CSRNP3: variants seen among roughly 807,000 people sequenced by gnomAD.
The protein encoded by CSRNP3 is cysteine and serine rich nuclear protein 3.
In CSRNP3, 12 loss-of-function variants were observed where a neutral mutation model predicts 48.0. The ratio of observed to expected loss-of-function variants is 0.25; its 90% CI spans 0.16 to 0.41. The LOEUF (loss-of-function observed/expected upper bound fraction) is 0.41, where lower values mean the gene tolerates loss of function less well. Among genes scored for constraint, CSRNP3 ranks in the 10% least tolerant of loss-of-function variants. The pLI is 1.00. For synonymous variants in CSRNP3, 263 were observed against 269.7 expected (o/e 0.98, Z 0.24); for missense variants, 580 against 724.4 (o/e 0.80, Z 2.29).
chr2:165,553,368 T>C (rs1483555532), intron 3 of CSRNP3, among the ~76,000 whole-genome samples: 1 of 152,188 alleles, frequency 6.6e-6, no homozygotes, highest in African/African-American at 2.4e-5. Context: ...CCTTTGCCCA[T>C]CTCTCTTGCT....
chr2:165,559,374 T>G (rs185373617), intron 3 of CSRNP3, among the ~76,000 whole-genome samples: 4 of 152,186 alleles, frequency 2.6e-5, no homozygotes, highest in African/African-American at 9.6e-5. Context: ...ATACTCCTCA[T>G]AGATAAAGGC....
chr2:165,517,431 T>G (rs1279776679), intron 2 of CSRNP3, among the ~76,000 whole-genome samples: 1 of 151,920 alleles, frequency 6.6e-6, no homozygotes. Flanking sequence ...AATCAAGAAC[T>G]CTAACAAATA....
chr2:165,511,542 T>G (rs973299033), intron 2 of CSRNP3, among the ~76,000 whole-genome samples: 4 of 152,118 alleles, frequency 2.6e-5, no homozygotes, highest in African/African-American at 7.2e-5. Context: ...ATAACATGAT[T>G]GAAGACAGAC....
intron 3 of CSRNP3, among the ~76,000 whole-genome samples, chr2:165,559,308 G>C (rs944406951): frequency 6.6e-6 from 1 of 152,164 alleles, no homozygotes; most frequent in Non-Finnish European, 1.5e-5. Flanking sequence ...TCTCTCAACT[G>C]TTGATCTCTA....
At chr2:165,533,899 G>T (rs1420624533) in intron 3 of CSRNP3, among the ~76,000 whole-genome samples, 25 of 151,788 alleles carry the variant, frequency 1.6e-4, no homozygotes, top group Non-Finnish European at 1.8e-4. Context: ...TTATAAATGG[G>T]GAAATATAAG....
chr2:165,533,244 A>AT (rs1684838473), intron 3 of CSRNP3, among the ~76,000 whole-genome samples: 1 of 152,052 alleles, frequency 6.6e-6, no homozygotes, highest in African/African-American at 2.4e-5. Context: ...TAGGTGTTTT[A>AT]TTTTTTAAGT....
chr2:165,645,226 T>C (rs560770873), intron 4 of CSRNP3, among the ~76,000 whole-genome samples: 10 of 152,244 alleles, frequency 6.6e-5, no homozygotes, highest in Non-Finnish European at 1.2e-4. Context: ...CCCAGCTTCT[T>C]GGAAGGCTGA....
intron 3 of CSRNP3, among the ~76,000 whole-genome samples, chr2:165,560,801 A>C (rs570033613): frequency 6.6e-6 from 1 of 152,204 alleles, no homozygotes; most frequent in Non-Finnish European, 1.5e-5. Context: ...GCAGATCCTT[A>C]TGGTAAACCA....
chr2:165,683,741 G>A lies in CSRNP3; in HGVS notation c.*3988G>A, dbSNP rs1438980321. 8 of 152,038 alleles carry A rather than the reference G, an allele frequency of 5.3e-5. No individual in the cohort carries two copies. Among genetic ancestry groups the A allele is most frequent in the Non-Finnish European group, 7.4e-5 (5 of 67,958 alleles). 9.4% of individuals were successfully genotyped at this position (152,038 alleles called of 1,614,324 possible). A position where few individuals can be genotyped will look rare whatever the true frequency, so the allele number is the denominator to read the frequency against. On this transcript the variant is annotated 3_prime_UTR_variant, in exon 7 of 7. Coordinates refer to ENST00000651982, the MANE Select transcript of CSRNP3 (RefSeq NM_001172173.2). ...ACAAATTATAATGGATAATATTAAT[G>A]AAGGGTGGCATGAAATAATCAAGCT... is the stretch of plus-strand genomic sequence containing the variant.
rs1301731050 is a variant in CSRNP3 at position 165,513,131 on chromosome 2, C to T, written c.-112-4742C>T. ...AAAAGAAAAAAAAATAGGGTCAACT[C>T]TGCATAGAAGATTGCTGTCTCCTGC... On this transcript the variant is annotated intron_variant, in intron 2 of 6. Coordinates refer to ENST00000651982, the MANE Select transcript of CSRNP3 (RefSeq NM_001172173.2). Among the ~76,000 whole-genome samples, 3 of 152,078 alleles carry T rather than the reference C, an allele frequency of 2.0e-5. No individual in the cohort carries two copies. The East Asian group carries it at 5.8e-4, about 29-fold the overall frequency.
At chr2:165,647,925 G>A (rs1686840208) in intron 4 of CSRNP3, among the ~76,000 whole-genome samples, 1 of 151,938 alleles carries the variant, frequency 6.6e-6, no homozygotes, top group South Asian at 2.1e-4. Context: ...ACTTACAATG[G>A]GTTTCTTGGA....
intron 4 of CSRNP3, among the ~76,000 whole-genome samples, chr2:165,625,917 A>G (rs2105322291): frequency 1.3e-5 from 2 of 149,144 alleles, no homozygotes; most frequent in South Asian, 4.2e-4. Context: ...CCATCTCAAA[A>G]AAAAAAAAAG....
At chr2:165,641,999 G>A (rs1464107717) in intron 4 of CSRNP3, among the ~76,000 whole-genome samples, 1 of 151,888 alleles carries the variant, frequency 6.6e-6, no homozygotes, top group Non-Finnish European at 1.5e-5. Flanking sequence ...AATATTTCTT[G>A]TAACAAATAG....
At chr2:165,663,301 G>A (rs1687127262) in intron 5 of CSRNP3, among the ~76,000 whole-genome samples, 1 of 152,156 alleles carries the variant, frequency 6.6e-6, no homozygotes, top group South Asian at 2.1e-4. Flanking sequence ...GTCATGATAT[G>A]TTTGAACTCC....
intron 3 of CSRNP3, among the ~76,000 whole-genome samples, chr2:165,526,518 C>T (rs1288519644): frequency 2.0e-5 from 3 of 152,090 alleles, no homozygotes; most frequent in African/African-American, 7.2e-5. Flanking sequence ...AAAGACTCAA[C>T]ATAATTAGGA....
intron 1 of CSRNP3, among the ~76,000 whole-genome samples, chr2:165,472,083 T>C (rs1683903058): frequency 6.6e-6 from 1 of 152,072 alleles, no homozygotes; most frequent in African/African-American, 2.4e-5. Flanking sequence ...CCTTTTTCTC[T>C]TTATGTTTGC....
intron 4 of CSRNP3, among the ~76,000 whole-genome samples, chr2:165,597,256 C>A (rs1685827477): frequency 6.6e-6 from 1 of 152,142 alleles, no homozygotes; most frequent in Non-Finnish European, 1.5e-5. Flanking sequence ...AAAACAAAAT[C>A]TTCAACTGGC....
At chr2:165,661,450 C>T (rs1360856893) in intron 5 of CSRNP3, among the ~76,000 whole-genome samples, 2 of 152,148 alleles carry the variant, frequency 1.3e-5, no homozygotes, top group East Asian at 1.9e-4. Flanking sequence ...TGTTCATCCT[C>T]ATGATTGCAT....
intron 1 of CSRNP3, among the ~76,000 whole-genome samples, chr2:165,485,251 A>G (rs557430522): frequency 6.6e-6 from 1 of 152,334 alleles, no homozygotes; most frequent in African/African-American, 2.4e-5. Context: ...AAGTATTTTC[A>G]GAGCTTCCAA....
Sources: gnomAD v4.1 joint callset for allele counts (sites outside exome capture counted in the v4.1 genomes callset) on GRCh38, gnomAD v4.1.1 for gene constraint, MANE v1.5 for transcripts, NCBI Gene and HGNC (gene_info 2026-07-23, HGNC 2026-07-21) for gene names.